The following FAM221B variants were observed in gnomAD, a reference collection of about 807,000 sequenced individuals.
FAM221B encodes protein FAM221B.
Under a neutral mutation model 39.8 loss-of-function variants are expected in FAM221B, and 35 were observed. The observed-to-expected ratio is 0.88, with a 90% CI of 0.67 to 1.17. The LOEUF (loss-of-function observed/expected upper bound fraction) is 1.17, where lower values mean the gene tolerates loss of function less well. Among genes scored for constraint, FAM221B ranks in the 50% most tolerant of loss-of-function variants. The pLI, the probability that FAM221B is intolerant of heterozygous loss-of-function variation, is 0.00. For missense variants in FAM221B, 479 were observed against 503.1 expected (o/e 0.95, Z 0.46); for synonymous variants, 158 against 178.1 (o/e 0.89, Z 0.90).
Position 35,816,391 on chromosome 9 carries a change from T to C in FAM221B, c.*2078A>G, listed in dbSNP as rs1052199921. 1 of 151,782 alleles carries C rather than the reference T, an allele frequency of 6.6e-6. No homozygotes were observed. The highest frequency in any genetic ancestry group is 2.4e-5 in the African/African-American group (1 of 41,396). The allele number at this position is 151,782 out of a possible 1,614,324, so 9.4% of individuals were successfully genotyped here. On this transcript the variant is annotated 3_prime_UTR_variant, in exon 7 of 7. Coordinates refer to ENST00000423537, the MANE Select transcript of FAM221B (RefSeq NM_001012446.4). Reference sequence around the variant, plus strand: ...ACCACTGTTTCTTTGGTTTTTCTTTTTTTCTTTTTTTTTTTTTTAAACACA... The same window carrying C: ...ACCACTGTTTCTTTGGTTTTTCTTTCTTTCTTTTTTTTTTTTTTAAACACA...
Position 35,819,016 on chromosome 9 carries a change from C to T in FAM221B, c.1052-7G>A. 3 of 1,551,666 alleles carry T rather than the reference C, an allele frequency of 1.9e-6. No homozygotes were observed. The highest frequency in any genetic ancestry group is 2.6e-6 in the Non-Finnish European group (3 of 1,146,980). On this transcript the variant is annotated splice_region_variant and splice_polypyrimidine_tract_variant and intron_variant, in intron 5 of 6. Transcript: ENST00000423537. The stretch of plus-strand genomic sequence containing the variant: ...AAACAGCCGCAGCAACAGCCTGGGG[C>T]AAAAGTGCAGCCAAGAAGAGTTTAG...
Position 35,826,139 on chromosome 9 carries a change from T to A in FAM221B, c.23A>T (p.Glu8Val), listed in dbSNP as rs1041176147. 5.6e-6 allele frequency: 9 copies of A among 1,596,892 alleles called. No homozygotes were observed. In the Admixed American group the frequency reaches 8.8e-5, roughly 16 times the overall value. MEAHEII[E>V]EPHITMDAEK... is the part of the protein sequence containing the mutation. The stretch of plus-strand genomic sequence containing the variant: ...TGCATCCATGGTGATATGAGGCTCT[T>A]CTATGATCTCATGTGCTTCCATCTA... Residue 8 changes from glutamate (E) to valine (V), a missense_variant, in exon 2 of 7, where the codon GAA becomes GTA. Physicochemically the swap from Glu to Val is moderately radical, Grantham distance 121. Coordinates refer to ENST00000423537, the MANE Select transcript of FAM221B (RefSeq NM_001012446.4).
intron 3 of FAM221B, among the ~76,000 whole-genome samples, chr9:35,820,673 G>T (rs1036335623): frequency 1.3e-5 from 2 of 152,198 alleles, no homozygotes; most frequent in South Asian, 4.1e-4. Context: ...GGAGAAAGGG[G>T]TAGGTAGCAG....
At position 35,826,119 on chromosome 9, in the gene FAM221B, C is replaced by CTCTG. The variant is rs1829346562; in HGVS notation, c.42_43insCAGA (p.Asp15GlnfsTer15). The stretch of plus-strand genomic sequence containing the variant: ...TTTGAAGGGGGGTGCTTCTCTGCAT[C>CTCTG]CATGGTGATATGAGGCTCTTCTATG... On this transcript the variant is annotated frameshift_variant, in exon 2 of 7. Coordinates refer to ENST00000423537, the MANE Select transcript of FAM221B (RefSeq NM_001012446.4). LOFTEE classifies it high-confidence loss of function. 1 of 1,608,764 alleles carries CTCTG rather than the reference C, an allele frequency of 6.2e-7. No homozygotes were observed. Among genetic ancestry groups the CTCTG allele is most frequent in the Admixed American group, 1.7e-5 (1 of 59,184 alleles).
At chr9:35,821,082 TG>T (rs1829139753) in intron 3 of FAM221B, among the ~76,000 whole-genome samples, 1 of 152,258 alleles carries the variant, frequency 6.6e-6, no homozygotes, top group Non-Finnish European at 1.5e-5. Flanking sequence ...CCTGTCTGTC[TG>T]GGCCCCTCCT....
chr9:35,819,681 A>T (rs902517172), intron 4 of FAM221B, among the ~76,000 whole-genome samples: 2 of 151,702 alleles, frequency 1.3e-5, no homozygotes, highest in Non-Finnish European at 2.9e-5. Context: ...TTATTTATTT[A>T]TTTTTTAGTA....
At chr9:35,821,618 C>G in intron 3 of FAM221B, 2 of 1,367,478 alleles carry the variant, frequency 1.5e-6, no homozygotes, top group Non-Finnish European at 2.0e-6. Context: ...TAGAGGAGTT[C>G]CGAATTCTGT....
rs1298349878 is a variant in FAM221B, at chr9:35,818,257, T to G, written c.*212A>C. Reference sequence around the variant, plus strand: ...TCTATCCTTCTTGAAACTTCCTCCCTTCTTGACTTCCTTGAAGCCACTTTC... The same window carrying G: ...TCTATCCTTCTTGAAACTTCCTCCCGTCTTGACTTCCTTGAAGCCACTTTC... On this transcript the variant is annotated 3_prime_UTR_variant, in exon 7 of 7. Transcript: ENST00000423537. The G allele has an allele frequency of 1.7e-6, 1 of 584,326 alleles. No homozygotes were observed. The highest frequency in any genetic ancestry group is 3.1e-6 in the Non-Finnish European group (1 of 325,574). 36.2% of individuals were successfully genotyped at this position (584,326 alleles called of 1,614,324 possible). A position where few individuals can be genotyped will look rare whatever the true frequency, so the allele number is the denominator to read the frequency against.
At position 35,817,859 on chromosome 9, in the gene FAM221B, C is replaced by A. The variant is rs1396624216; in HGVS notation, c.*610G>T. 6.6e-6 allele frequency: 1 copy of A among 152,640 alleles called. No homozygotes were observed. Among genetic ancestry groups the A allele is most frequent in the African/African-American group, 2.4e-5 (1 of 41,426 alleles). The allele number at this position is 152,640 out of a possible 1,614,324, so 9.5% of individuals were successfully genotyped here. On this transcript the variant is annotated 3_prime_UTR_variant, in exon 7 of 7. Coordinates refer to ENST00000423537, the MANE Select transcript of FAM221B (RefSeq NM_001012446.4). ...TGTTTCTCCTGTCCAGAGAAAATCC[C>A]TTCACCTCTGCTTTGACCTCATCCC...
At chr9:35,827,932 G>C (rs1564009859) in intron 1 of FAM221B, among the ~76,000 whole-genome samples, 1 of 152,152 alleles carries the variant, frequency 6.6e-6, no homozygotes, top group Non-Finnish European at 1.5e-5. Context: ...CCAGAAGATG[G>C]GAGGTGAGGA....
In FAM221B at chr9:35,819,930, G is replaced by T. The variant is rs1285249433; in HGVS notation, c.813C>A (p.Cys271Ter). 8 of 1,609,222 alleles carry T rather than the reference G, an allele frequency of 5.0e-6. No individual in the cohort carries two copies. The highest frequency in any genetic ancestry group is 6.8e-6 in the Non-Finnish European group (8 of 1,176,954). Residue 271 changes from cysteine to a stop codon, truncating the protein, a stop_gained, in exon 4 of 7, where the codon TGC (cysteine) becomes TGA (stop). Coordinates refer to ENST00000423537, the MANE Select transcript of FAM221B (RefSeq NM_001012446.4). LOFTEE classifies it high-confidence loss of function. ...DCFRIGDESR[C>*]FCGHLLREHR... is the part of the protein sequence containing the mutation. Reference sequence around the variant, plus strand: ...GCTCTCTCAACAAGTGTCCACAAAAGCATCTGGACTCATCCCCAATCCGGA... The same window carrying T: ...GCTCTCTCAACAAGTGTCCACAAAATCATCTGGACTCATCCCCAATCCGGA...
rs1383796326 is a variant in FAM221B at position 35,828,323 on chromosome 9, AACAACAACAACTACTACTACTACTACT to A, written c.-1+113_-1+139del. The A allele has an allele frequency of 5.9e-5, 8 of 136,644 alleles. No homozygotes were observed. Among genetic ancestry groups the A allele is most frequent in the African/African-American group, 2.2e-4 (7 of 31,194 alleles). The allele number at this position is 136,644 out of a possible 1,614,324, so 8.5% of individuals were successfully genotyped here. A position where few individuals can be genotyped will look rare whatever the true frequency, so the allele number is the denominator to read the frequency against. ...CAACAACAACAACAACAACAACAAC[AACAACAACAACTACTACTACTACTACT>A]ACTACTACTACTACTACTACTACTA... On this transcript the variant is annotated intron_variant, in intron 1 of 6. Transcript: ENST00000423537. This position sits in a 1 kb window ranked among gnomAD's most constrained non-coding sequence, Gnocchi z 4.5.
At chr9:35,824,182 T>C (rs1829230866) in intron 3 of FAM221B, among the ~76,000 whole-genome samples, 2 of 152,112 alleles carry the variant, frequency 1.3e-5, no homozygotes, top group South Asian at 4.1e-4. Flanking sequence ...GGAAAGGAAG[T>C]ATGAAGGACC....
chr9:35,828,525 G>T lies in FAM221B; in HGVS notation c.-63C>A. The T allele has an allele frequency of 1.0e-6, 1 of 985,486 alleles. No individual in the cohort carries two copies. Among genetic ancestry groups the T allele is most frequent in the South Asian group, 4.7e-5 (1 of 21,290 alleles). The allele number at this position is 985,486 out of a possible 1,614,324, so 61.0% of individuals were successfully genotyped here. ...TCAAGACCTTGACTTAGGATGGCAG[G>T]GGGAGGTGTTGATCCTCAGGGAGGA... On this transcript the variant is annotated 5_prime_UTR_variant, in exon 1 of 7. Coordinates refer to ENST00000423537, the MANE Select transcript of FAM221B (RefSeq NM_001012446.4). This position sits in a 1 kb window ranked among gnomAD's most constrained non-coding sequence, Gnocchi z 4.5.
rs1432041234 is a variant in FAM221B at position 35,826,105 on chromosome 9, G to T, written c.57C>A (p.His19Gln). ...EPHITMDAEKHPPSKDPSAED... is the reference protein window; with the variant it reads ...EPHITMDAEKQPPSKDPSAED... Reference sequence around the variant, plus strand: ...CAGCAGAGGGGTCCTTTGAAGGGGGGTGCTTCTCTGCATCCATGGTGATAT... The same window carrying T: ...CAGCAGAGGGGTCCTTTGAAGGGGGTTGCTTCTCTGCATCCATGGTGATAT... Residue 19 changes from histidine to glutamine, a missense_variant, in exon 2 of 7, where the codon CAC becomes CAA. By Grantham distance (24) the His-to-Gln change is conservative. Coordinates refer to ENST00000423537, the MANE Select transcript of FAM221B (RefSeq NM_001012446.4). 2.5e-6 allele frequency: 4 copies of T among 1,611,460 alleles called. No homozygotes were observed. Among genetic ancestry groups the T allele is most frequent in the South Asian group, 1.1e-5 (1 of 90,850 alleles).
chr9:35,820,147 A>G, intron 3 of FAM221B, 147 bp from the exon 4 acceptor site: 1 of 580,750 alleles, frequency 1.7e-6, no homozygotes, highest in Non-Finnish European at 3.1e-6. Context: ...GGAAGTCCTC[A>G]CCTCTACCCC....
At position 35,828,311 on chromosome 9, in the gene FAM221B, A is replaced by AACAACG. The variant is rs1829488861; in HGVS notation, c.-1+151_-1+152insCGTTGT. 8.1e-6 allele frequency among the ~76,000 whole-genome samples: 1 copy of AACAACG among 124,214 alleles called. No homozygotes were observed. The highest frequency in any genetic ancestry group is 1.7e-5 in the Non-Finnish European group (1 of 57,514). 81.5% of individuals were successfully genotyped at this position (124,214 alleles called of 152,430 possible). On this transcript the variant is annotated intron_variant, in intron 1 of 6. Coordinates refer to ENST00000423537, the MANE Select transcript of FAM221B (RefSeq NM_001012446.4). The surrounding 1 kb of genome is among the most constrained non-coding windows in gnomAD (Gnocchi z 4.5). The stretch of plus-strand genomic sequence containing the variant: ...TGTCTCAAACAACAACAACAACAAC[A>AACAACG]ACAACAACAACAACAACAACAACTA...
chr9:35,818,897 C>T lies in FAM221B; in HGVS notation c.1164G>A (p.Arg388=). 1 of 1,551,862 alleles carries T rather than the reference C, an allele frequency of 6.4e-7. No individual in the cohort carries two copies. Among genetic ancestry groups the T allele is most frequent in the Non-Finnish European group, 8.7e-7 (1 of 1,147,048 alleles). Residue 388 remains arginine, a synonymous_variant, in exon 6 of 7, where the codon AGG becomes AGA. Transcript: ENST00000423537. Reference sequence around the variant, plus strand: ...CCCAGGTTTCTGCCTCACCGCGAGGCCTTCCTCCTCGTTGCCGGGTCTTCT... The same window carrying T: ...CCCAGGTTTCTGCCTCACCGCGAGGTCTTCCTCCTCGTTGCCGGGTCTTCT... ...DTQKTRQRGG[R]PRGTDTVSNW... is the part of the protein sequence containing the mutation.
rs1829326576 is a variant in FAM221B at position 35,825,675 on chromosome 9, G to T, written c.487C>A (p.Gln163Lys). ...TTTTCGGTTGTGTCCACTTGGACCTGGGATGAAGGGCCTGAAAGACAGTGT... is the reference window on the plus strand; with the variant it reads ...TTTTCGGTTGTGTCCACTTGGACCTTGGATGAAGGGCCTGAAAGACAGTGT... ...PEHCLSGPSS[Q>K]VQVDTTEKQE... The change falls in exon 2 of 7, where the codon CAG becomes AAG. Residue 163 changes from glutamine (Q) to lysine (K), a missense_variant. Coordinates refer to ENST00000423537, the MANE Select transcript of FAM221B (RefSeq NM_001012446.4). This position sits in a 1 kb window ranked among gnomAD's most constrained non-coding sequence, Gnocchi z 4.2. 6.2e-7 allele frequency: 1 copy of T among 1,614,216 alleles called. No individual in the cohort carries two copies. Among genetic ancestry groups the T allele is most frequent in the Non-Finnish European group, 8.5e-7 (1 of 1,180,036 alleles).
Sources: gnomAD v4.1 joint callset for allele counts (sites outside exome capture counted in the v4.1 genomes callset) on GRCh38, gnomAD v4.1.1 for gene constraint, Gnocchi (gnomAD v3.1) non-coding constraint, MANE v1.5 for transcripts, NCBI Gene and HGNC (gene_info 2026-07-23, HGNC 2026-07-21) for gene names.